Variants in KANK1 observed in about 807,000 individuals in gnomAD.
The protein encoded by KANK1 is KN motif and ankyrin repeat domain-containing protein 1.
A neutral mutation model predicts 106.2 loss-of-function variants in KANK1; 109 were observed. That is an observed-to-expected ratio of 1.03 (90% CI 0.88 to 1.20). The LOEUF is 1.20. Ranked by LOEUF, KANK1 falls within the 50% of genes most tolerant of loss-of-function variation. KANK1 has a pLI of 0.00. For synonymous variants in KANK1, 873 were observed against 652.2 expected, an observed-to-expected ratio of 1.34 and a Z score of -5.16; for missense variants, 2,399 against 1,710.7, an observed-to-expected ratio of 1.40 and a Z score of -7.10.
At chr9:736,406 T>C (rs893869256) in intron 7 of KANK1, among the ~76,000 whole-genome samples, 1 of 152,156 alleles carries the variant, frequency 6.6e-6, no homozygotes, top group African/African-American at 2.4e-5. Flanking sequence ...CTGTACTAAA[T>C]AAAATTGCTG....
intron 1 of KANK1, among the ~76,000 whole-genome samples, chr9:594,337 G>C (rs1825714305): frequency 6.6e-6 from 1 of 151,920 alleles, no homozygotes; most frequent in Admixed American, 6.6e-5. Flanking sequence ...CAACATGATT[G>C]ACAGAGGCTG....
intron 1 of KANK1, among the ~76,000 whole-genome samples, chr9:673,158 T>C (rs1815580803): frequency 6.6e-6 from 1 of 151,024 alleles, no homozygotes; most frequent in Admixed American, 6.6e-5. Flanking sequence ...CTGTTCTCTT[T>C]GCACAGACAC....
intron 1 of KANK1, among the ~76,000 whole-genome samples, chr9:565,757 A>G (rs1208985503): frequency 1.3e-5 from 2 of 152,148 alleles, no homozygotes; most frequent in East Asian, 3.9e-4. Flanking sequence ...CAAAAGGCCA[A>G]TCTTAGGTTC....
chr9:529,941 C>T (rs2059983193), intron 1 of KANK1, among the ~76,000 whole-genome samples: 1 of 152,312 alleles, frequency 6.6e-6, no homozygotes, highest in East Asian at 1.9e-4. Flanking sequence ...GTTGCCAGTA[C>T]AGTATGTTAT....
At chr9:570,975 T>C (rs1286659452) in intron 1 of KANK1, among the ~76,000 whole-genome samples, 1 of 152,160 alleles carries the variant, frequency 6.6e-6, no homozygotes, top group Non-Finnish European at 1.5e-5. Flanking sequence ...TTATTAGAGG[T>C]GAAATGTTTG....
At chr9:695,091 G>A (rs1306100866) in intron 2 of KANK1, among the ~76,000 whole-genome samples, 11 of 152,038 alleles carry the variant, frequency 7.2e-5, no homozygotes, top group Admixed American at 1.3e-4. Flanking sequence ...CCCATGGCTC[G>A]TGCATGAACT....
At chr9:642,899 A>G (rs952120317) in intron 1 of KANK1, among the ~76,000 whole-genome samples, 1 of 150,358 alleles carries the variant, frequency 6.7e-6, no homozygotes, top group Non-Finnish European at 1.5e-5. Context: ...TGTCGAAGTA[A>G]TGGCAATGGT....
chr9:533,954 A>C (rs1297525769), intron 1 of KANK1, among the ~76,000 whole-genome samples: 1 of 152,224 alleles, frequency 6.6e-6, no homozygotes, highest in Non-Finnish European at 1.5e-5. Context: ...TGACACCCCC[A>C]GATTTCACAT....
chr9:576,751 A>G (rs1287632541), intron 1 of KANK1, among the ~76,000 whole-genome samples: 1 of 150,738 alleles, frequency 6.6e-6, no homozygotes, highest in Non-Finnish European at 1.5e-5. Flanking sequence ...GAGGAAGAGG[A>G]GGGACCTTGT....
intron 1 of KANK1, among the ~76,000 whole-genome samples, chr9:606,600 GT>G (rs1174075798): frequency 3.5e-4 from 17 of 48,340 alleles, no homozygotes; most frequent in Non-Finnish European, 1.1e-3. Flanking sequence ...TATAAAATAT[GT>G]GTGTGTGTGT....
intron 2 of KANK1, among the ~76,000 whole-genome samples, chr9:683,818 G>C (rs1189820147): frequency 2.3e-4 from 35 of 152,032 alleles, no homozygotes; most frequent in Admixed American, 2.3e-3. Context: ...TTTAATAATT[G>C]CATTTAATTA....
intron 2 of KANK1, among the ~76,000 whole-genome samples, chr9:682,560 A>G (rs1199066132): frequency 6.6e-6 from 1 of 152,164 alleles, no homozygotes; most frequent in Admixed American, 6.5e-5. Context: ...TGGTGTTTCT[A>G]CCAGTTGAAG....
At chr9:630,296 C>T (rs574218651) in intron 1 of KANK1, among the ~76,000 whole-genome samples, 4 of 151,890 alleles carry the variant, frequency 2.6e-5, no homozygotes, top group African/African-American at 9.7e-5. Flanking sequence ...TGGCTCACGC[C>T]TGTAATCCCA....
At chr9:705,434 C>T (rs751593506) in intron 2 of KANK1, among the ~76,000 whole-genome samples, 17 of 152,082 alleles carry the variant, frequency 1.1e-4, no homozygotes, top group Admixed American at 3.3e-4. Context: ...TGCAGTGAGC[C>T]AAGATGGCGC....
chr9:700,322 A>G (rs1395086881), intron 2 of KANK1, among the ~76,000 whole-genome samples: 1 of 152,216 alleles, frequency 6.6e-6, no homozygotes, highest in Non-Finnish European at 1.5e-5. Context: ...CACAAATTTG[A>G]TACAGGTAGC....
At chr9:475,632 G>A (rs766249626) in intron 3 of KANK1, among the ~76,000 whole-genome samples, 1 of 152,020 alleles carries the variant, frequency 6.6e-6, no homozygotes, top group Non-Finnish European at 1.5e-5. Context: ...TATATATTGT[G>A]ACTTTTTAGT....
At chr9:519,204 C>T (rs2059438388) in intron 1 of KANK1, among the ~76,000 whole-genome samples, 1 of 151,624 alleles carries the variant, frequency 6.6e-6, no homozygotes, top group East Asian at 1.9e-4. Flanking sequence ...TCAACTTTTA[C>T]TAGGCACCTT....
At chr9:502,035 C>G (rs1188693301), upstream of KANK1, among the ~76,000 whole-genome samples, 4 of 152,184 alleles carry the variant, frequency 2.6e-5, no homozygotes, top group Non-Finnish European at 5.9e-5. Context: ...GAAGAAAGTA[C>G]TGAAACATAC....
chr9:739,121 G>T (rs906461499), intron 8 of KANK1, among the ~76,000 whole-genome samples: 2 of 152,206 alleles, frequency 1.3e-5, no homozygotes, highest in African/African-American at 4.8e-5. Flanking sequence ...AATAGAGCCA[G>T]TGGACATCTT....
Sources: allele counts gnomAD v4.1 joint callset (sites outside exome capture counted in the v4.1 genomes callset), GRCh38; gene constraint gnomAD v4.1.1; transcripts MANE v1.5; gene names NCBI Gene and HGNC (gene_info 2026-07-23, HGNC 2026-07-21).